The following PBX1 variants were observed in gnomAD, a reference collection of about 807,000 sequenced individuals.
The protein encoded by PBX1 is PBX homeobox 1, also known as pre-B-cell leukemia transcription factor 1.
In PBX1, 6 loss-of-function variants were observed where a neutral mutation model predicts 53.4. The observed-to-expected ratio is 0.11, with a 90% CI of 0.06 to 0.22. The LOEUF is 0.22. PBX1 is among the 10% of genes least tolerant of loss of function. The pLI, the probability that PBX1 is intolerant of heterozygous loss-of-function variation, is 1.00. For missense variants in PBX1, 251 were observed against 551.4 expected, an observed-to-expected ratio of 0.46 and a Z score of 5.46; for synonymous variants, 204 against 212.3, an observed-to-expected ratio of 0.96 and a Z score of 0.34.
chr1:164,841,025 G>A (rs1337722442), intron 8 of PBX1, among the ~76,000 whole-genome samples: 1 of 152,122 alleles, frequency 6.6e-6, no homozygotes, highest in Non-Finnish European at 1.5e-5. Flanking sequence ...ACTGTGGTGG[G>A]CACTTTGGAA....
chr1:164,855,101 A>T (rs1364259575), downstream of PBX1, among the ~76,000 whole-genome samples: 2 of 151,926 alleles, frequency 1.3e-5, no homozygotes, highest in Non-Finnish European at 2.9e-5. Flanking sequence ...GGCATGCACC[A>T]TACCCGGCTA....
chr1:164,698,117 G>A (rs1379410203), intron 2 of PBX1, among the ~76,000 whole-genome samples: 1 of 152,078 alleles, frequency 6.6e-6, no homozygotes, highest in Non-Finnish European at 1.5e-5. Flanking sequence ...TATCTCCCAG[G>A]GCACCGATTG....
intron 8 of PBX1, among the ~76,000 whole-genome samples, chr1:164,841,344 A>G (rs1026826156): frequency 2.8e-4 from 43 of 152,280 alleles, no homozygotes; most frequent in African/African-American, 9.6e-4. Context: ...GGGAATGTAA[A>G]TAATTGTGTT....
intron 2 of PBX1, among the ~76,000 whole-genome samples, chr1:164,691,108 G>A (rs1023452455): frequency 4.2e-5 from 6 of 141,582 alleles, no homozygotes; most frequent in Admixed American, 8.0e-5. Flanking sequence ...TCTGCTTCCC[G>A]GGTTCAAGTG....
intron 2 of PBX1, among the ~76,000 whole-genome samples, chr1:164,570,366 A>G (rs937433910): frequency 2.0e-5 from 3 of 150,380 alleles, no homozygotes; most frequent in African/African-American, 7.4e-5. Context: ...CTTGTCCCCC[A>G]CCCCCTGACA....
At chr1:164,736,768 A>G (rs1432120555) in intron 2 of PBX1, among the ~76,000 whole-genome samples, 1 of 152,186 alleles carries the variant, frequency 6.6e-6, no homozygotes, top group Non-Finnish European at 1.5e-5. Context: ...GAGAGAGAAC[A>G]TGCATAAAAA....
intron 8 of PBX1, among the ~76,000 whole-genome samples, chr1:164,843,461 A>G (rs764404331): frequency 3.9e-5 from 6 of 152,128 alleles, no homozygotes; most frequent in Non-Finnish European, 7.3e-5. Context: ...AGGTACTAAC[A>G]TGGGAAAGTC....
chr1:164,685,709 G>A (rs541074939), intron 2 of PBX1, among the ~76,000 whole-genome samples: 3 of 152,296 alleles, frequency 2.0e-5, no homozygotes, highest in Non-Finnish European at 4.4e-5. Context: ...CAGAGGGTAG[G>A]CATTTCCCCT....
intron 2 of PBX1, among the ~76,000 whole-genome samples, chr1:164,658,275 T>C (rs1660281267): frequency 6.6e-6 from 1 of 152,080 alleles, no homozygotes; most frequent in Non-Finnish European, 1.5e-5. Context: ...AGTGACCCTA[T>C]ACCCCAACAC....
chr1:164,633,620 G>GCAGATTTCCTGTA (rs1658556189), intron 2 of PBX1, among the ~76,000 whole-genome samples: 1 of 152,124 alleles, frequency 6.6e-6, no homozygotes, highest in Non-Finnish European at 1.5e-5. Context: ...GCCTTTCCCT[G>GCAGATTTCCTGTA]CAGATTTCCT....
chr1:164,791,505 T>C (rs114003840), intron 2 of PBX1, among the ~76,000 whole-genome samples: 2,560 of 152,294 alleles, frequency 0.017, 70 homozygotes, highest in African/African-American at 0.059. Flanking sequence ...CCAATTTGTC[T>C]TCTTGCTATG....
At chr1:164,683,094 A>G (rs1473868769) in intron 2 of PBX1, 1 of 152,210 alleles carries the variant, frequency 6.6e-6, no homozygotes, top group Non-Finnish European at 1.5e-5. Flanking sequence ...TTGAAAACTC[A>G]AAGCTGCTGA....
chr1:164,779,512 G>A (rs1479565424), intron 2 of PBX1, among the ~76,000 whole-genome samples: 1 of 152,168 alleles, frequency 6.6e-6, no homozygotes, highest in Non-Finnish European at 1.5e-5. Context: ...GACCAGTCTG[G>A]CAGAGTCAAA....
At chr1:164,826,940 G>T (rs1015164787) in intron 8 of PBX1, among the ~76,000 whole-genome samples, 1 of 152,124 alleles carries the variant, frequency 6.6e-6, no homozygotes, top group Non-Finnish European at 1.5e-5. Flanking sequence ...TAGAGATGAA[G>T]CTTTTATCAT....
intron 8 of PBX1, 41 bp from the exon 9 acceptor site, chr1:164,846,543 C>G (rs749467789): frequency 1.9e-6 from 3 of 1,572,852 alleles, no homozygotes; most frequent in East Asian, 4.5e-5. Flanking sequence ...AACAGCCACC[C>G]AATCTCAGAG....
intron 1 of PBX1, chr1:164,562,795 A>G (rs1301541882): frequency 2.0e-5 from 3 of 152,464 alleles, no homozygotes; most frequent in African/African-American, 7.2e-5. Context: ...ATGAATTCGA[A>G]CACATGGATG....
intron 2 of PBX1, among the ~76,000 whole-genome samples, chr1:164,621,726 T>G (rs1657690672): frequency 6.6e-6 from 1 of 152,154 alleles, no homozygotes; most frequent in African/African-American, 2.4e-5. Context: ...GAGAAAAGGA[T>G]CAATGGACAT....
intron 2 of PBX1, among the ~76,000 whole-genome samples, chr1:164,755,035 ACTC>A (rs1469046278): frequency 6.6e-5 from 10 of 152,074 alleles, no homozygotes; most frequent in Admixed American, 2.6e-4. Context: ...TCTGCACACA[ACTC>A]CTCTCTCCTT....
chr1:164,756,204 C>T lies in PBX1; in HGVS notation c.266-36290C>T, dbSNP rs540975802. Among the ~76,000 whole-genome samples the T allele has an allele frequency of 2.7e-4, 41 of 152,108 alleles. 1 individual carries two copies. In the South Asian group the frequency reaches 3.3e-3, roughly 12 times the overall value. On this transcript the variant is annotated intron_variant, in intron 2 of 8. Transcript: ENST00000420696. ...CATTGTCATATTATATGAATAGCAC[C>T]GCGTAAGGATGGCTGGGGACAAAGA...
Sources: allele counts gnomAD v4.1 joint callset (sites outside exome capture counted in the v4.1 genomes callset), GRCh38; gene constraint gnomAD v4.1.1; transcripts MANE v1.5; gene names NCBI Gene and HGNC (gene_info 2026-07-23, HGNC 2026-07-21).